The following SPPL3 variants were observed in gnomAD, a reference collection of about 807,000 sequenced individuals.
SPPL3 encodes the protein signal peptide peptidase-like 3.
A neutral mutation model predicts 42.4 loss-of-function variants in SPPL3; 5 were observed. That is an observed-to-expected ratio of 0.12 (90% CI 0.06 to 0.25). The LOEUF is 0.25. Among genes scored for constraint, SPPL3 ranks in the 10% least tolerant of loss-of-function variants. The pLI is 1.00. For synonymous variants in SPPL3, 195 were observed against 181.8 expected (o/e 1.07, Z -0.58); for missense variants, 235 against 489.0 (o/e 0.48, Z 4.90).
chr12:120,835,373 C>G (rs1871577516), intron 1 of SPPL3: 1 of 152,334 alleles, frequency 6.6e-6, no homozygotes, highest in Admixed American at 6.5e-5. Flanking sequence ...AACAGTAGTT[C>G]TTTCGTTATC....
chr12:120,820,830 C>T lies in SPPL3; in HGVS notation c.24-9944G>A, dbSNP rs566971128. 9.2e-5 allele frequency among the ~76,000 whole-genome samples: 14 copies of T among 152,150 alleles called. No homozygotes were observed. In the East Asian group the frequency reaches 2.1e-3, roughly 23 times the overall value. ...ACTTAAGGCTGGGCGCAGTGGCTCA[C>T]GCCTGTAATCCCAACACTCTGGGAG... On this transcript the variant is annotated intron_variant, in intron 1 of 10. Transcript: ENST00000353487.
At chr12:120,833,652 G>T in intron 1 of SPPL3, among the ~76,000 whole-genome samples, 1 of 124,396 alleles carries the variant, frequency 8.0e-6, no homozygotes, top group African/African-American at 3.2e-5. Context: ...GCAATATAGT[G>T]AGACTCCATC....
chr12:120,867,043 T>C (rs1345908597), intron 1 of SPPL3, among the ~76,000 whole-genome samples: 1 of 152,238 alleles, frequency 6.6e-6, no homozygotes, highest in Non-Finnish European at 1.5e-5. Context: ...CCATTATCTC[T>C]CAAACTCTAC....
rs1047437870 is a variant in SPPL3, at chr12:120,817,038, T to C, written c.24-6152A>G. ...GGTGTGGTGGCTCATGCCTGTAATTTTGACACTCTAGGAGTCCGAGGTGGG... is the reference window on the plus strand; with the variant it reads ...GGTGTGGTGGCTCATGCCTGTAATTCTGACACTCTAGGAGTCCGAGGTGGG... On this transcript the variant is annotated intron_variant, in intron 1 of 10. Transcript: ENST00000353487. 1.1e-4 allele frequency among the ~76,000 whole-genome samples: 16 copies of C among 151,990 alleles called. 1 individual carries two copies. Among genetic ancestry groups the C allele is most frequent in the Admixed American group, 3.9e-4 (6 of 15,262 alleles).
At chr12:120,895,848 A>C (rs1566072662) in intron 1 of SPPL3, among the ~76,000 whole-genome samples, 1 of 152,244 alleles carries the variant, frequency 6.6e-6, no homozygotes, top group South Asian at 2.1e-4. Context: ...TAGAGATGAA[A>C]ACCACCCTCA....
In SPPL3 at chr12:120,897,516, G is replaced by A. The variant is rs1009754504; in HGVS notation, c.23+6329C>T. 7.9e-5 allele frequency among the ~76,000 whole-genome samples: 12 copies of A among 152,148 alleles called. No homozygotes were observed. The East Asian group carries it at 2.1e-3, about 27-fold the overall frequency. Reference sequence around the variant, plus strand: ...AGGCGGGTGGATCATGAGGTCAGGAGATCAAGACCATCCTAGCTAACACGG... The same window carrying A: ...AGGCGGGTGGATCATGAGGTCAGGAAATCAAGACCATCCTAGCTAACACGG... On this transcript the variant is annotated intron_variant, in intron 1 of 10. Transcript: ENST00000353487.
rs928081540 is a variant in SPPL3 at position 120,879,720 on chromosome 12, A to G, written c.23+24125T>C. Among the ~76,000 whole-genome samples the G allele has an allele frequency of 3.8e-4, 58 of 152,254 alleles. 1 individual carries two copies. The highest frequency in any genetic ancestry group is 1.3e-3 in the African/African-American group (56 of 41,486). On this transcript the variant is annotated intron_variant, in intron 1 of 10. Coordinates refer to ENST00000353487, the MANE Select transcript of SPPL3 (RefSeq NM_139015.5). ...TGTTCAAATGCTACATGTGCCACTCATTAACTATAAAATCTTGGGTAAGTA... is the reference window on the plus strand; with the variant it reads ...TGTTCAAATGCTACATGTGCCACTCGTTAACTATAAAATCTTGGGTAAGTA...
intron 1 of SPPL3, among the ~76,000 whole-genome samples, chr12:120,832,792 G>A (rs1162871924): frequency 6.6e-6 from 1 of 152,120 alleles, no homozygotes; most frequent in Non-Finnish European, 1.5e-5. Flanking sequence ...TACCATATAG[G>A]AGGCCTGTTT....
At chr12:120,893,100 C>A (rs1267661206) in intron 1 of SPPL3, among the ~76,000 whole-genome samples, 1 of 151,820 alleles carries the variant, frequency 6.6e-6, no homozygotes, top group Admixed American at 6.6e-5. Flanking sequence ...CAACCCCTAA[C>A]TGAAACCCTT....
rs542374379 is a variant in SPPL3 at position 120,861,659 on chromosome 12, G to A, written c.23+42186C>T. Among the ~76,000 whole-genome samples, 6 of 152,274 alleles carry A rather than the reference G, an allele frequency of 3.9e-5. No individual in the cohort carries two copies. In the South Asian group the frequency reaches 8.3e-4, roughly 21 times the overall value. On this transcript the variant is annotated intron_variant, in intron 1 of 10. Transcript: ENST00000353487. ...CCTGGTTTATCTGGCAGGGGAGTACGCTGACTGATATTACTCAGTATACAA... is the reference window on the plus strand; with the variant it reads ...CCTGGTTTATCTGGCAGGGGAGTACACTGACTGATATTACTCAGTATACAA...
chr12:120,844,508 C>G (rs1245691202), intron 1 of SPPL3, among the ~76,000 whole-genome samples: 2 of 152,138 alleles, frequency 1.3e-5, no homozygotes, highest in African/African-American at 4.8e-5. Flanking sequence ...CAATCTTACC[C>G]TTCTTTCCCG....
chr12:120,835,428 G>A (rs977398282), intron 1 of SPPL3: 1 of 152,210 alleles, frequency 6.6e-6, no homozygotes. Context: ...AGTCATAGAT[G>A]TTATACATAC....
chr12:120,785,296 A>G (rs1465924978), intron 3 of SPPL3, among the ~76,000 whole-genome samples: 3 of 152,124 alleles, frequency 2.0e-5, no homozygotes, highest in Admixed American at 2.0e-4. Context: ...TTAAGGTACC[A>G]GAATAGGAGA....
At chr12:120,783,257 G>A (rs761404081) in intron 5 of SPPL3, among the ~76,000 whole-genome samples, 1 of 152,122 alleles carries the variant, frequency 6.6e-6, no homozygotes, top group Non-Finnish European at 1.5e-5. Context: ...ATGACTTTCA[G>A]AGTTAAGGTG....
chr12:120,774,406 G>A (rs1337458561), intron 6 of SPPL3, among the ~76,000 whole-genome samples: 2 of 152,210 alleles, frequency 1.3e-5, no homozygotes, highest in Non-Finnish European at 2.9e-5. Context: ...CATAAACTCA[G>A]GAGGCACAAC....
At chr12:120,855,988 C>G (rs1766789470) in intron 1 of SPPL3, among the ~76,000 whole-genome samples, 1 of 152,118 alleles carries the variant, frequency 6.6e-6, no homozygotes, top group African/African-American at 2.4e-5. Context: ...CAGCACTGTT[C>G]AACAGAACTC....
chr12:120,784,601 A>G lies in SPPL3; in HGVS notation c.191-8T>C. The G allele has an allele frequency of 1.2e-6, 2 of 1,600,142 alleles. No homozygotes were observed. The highest frequency in any genetic ancestry group is 1.7e-6 in the Non-Finnish European group (2 of 1,174,958). ...AGTCAATTGTTTGGATGCCTGAAAGAGAAAAACAGACAGATTAATAACTTA... is the reference window on the plus strand; with the variant it reads ...AGTCAATTGTTTGGATGCCTGAAAGGGAAAAACAGACAGATTAATAACTTA... On this transcript the variant is annotated splice_region_variant and splice_polypyrimidine_tract_variant and intron_variant, in intron 3 of 10. Transcript: ENST00000353487.
chr12:120,783,578 C>T (rs1438456393), intron 5 of SPPL3, 96 bp downstream of exon 5: 1 of 1,169,392 alleles, frequency 8.6e-7, no homozygotes, highest in Non-Finnish European at 1.2e-6. Context: ...TGTGCTCCAG[C>T]CAATAACAGA....
chr12:120,839,265 A>C (rs1439843388), intron 1 of SPPL3, among the ~76,000 whole-genome samples: 1 of 150,234 alleles, frequency 6.7e-6, no homozygotes, highest in East Asian at 2.0e-4. Context: ...AGGACAAAAA[A>C]CCAAACACCG....
Sources: allele counts gnomAD v4.1 joint callset (sites outside exome capture counted in the v4.1 genomes callset), GRCh38; gene constraint gnomAD v4.1.1; transcripts MANE v1.5; gene names NCBI Gene and HGNC (gene_info 2026-07-23, HGNC 2026-07-21).